The following GMPPA variants were observed in gnomAD, a reference collection of about 807,000 sequenced individuals.
GMPPA encodes mannose-1-phosphate guanylyltransferase regulatory subunit alpha.
In GMPPA, 46 loss-of-function variants were observed where a neutral mutation model predicts 58.6. That is an observed-to-expected ratio of 0.78 (90% CI 0.62 to 1.00). GMPPA has a LOEUF of 1.00. Among genes scored for constraint, GMPPA ranks in the 50% least tolerant of loss-of-function variants. GMPPA has a pLI of 0.00. For missense variants in GMPPA, 468 were observed against 556.4 expected (o/e 0.84, Z 1.60); for synonymous variants, 211 against 214.9 (o/e 0.98, Z 0.16).
At chr2:219,506,170 C>T (rs1461073665) in intron 11 of GMPPA, 84 bp from the exon 12 acceptor site, 22 of 1,487,474 alleles carry the variant, frequency 1.5e-5, no homozygotes, top group Non-Finnish European at 2.0e-5. Flanking sequence ...ACGCCGTGGG[C>T]TCTGCATCTG....
At chr2:219,504,997 C>T in intron 7 of GMPPA, 2 of 879,410 alleles carry the variant, frequency 2.3e-6, no homozygotes, top group Non-Finnish European at 3.3e-6. Context: ...GGATGGGAAG[C>T]AGGCCTCTGC....
chr2:219,505,815 G>C (rs1694567078), intron 10 of GMPPA, 54 bp downstream of exon 10: 1 of 1,416,394 alleles, frequency 7.1e-7, no homozygotes, highest in African/African-American at 1.4e-5. Context: ...GATGGATGGA[G>C]GGTGCCCACG....
rs367900840 is a variant in GMPPA at position 219,504,191 on chromosome 2, C to A, written c.598C>A (p.Arg200Ser). 1.2e-6 allele frequency: 2 copies of A among 1,614,060 alleles called. No homozygotes were observed. The highest frequency in any genetic ancestry group is 2.2e-5 in the East Asian group (1 of 44,870). The change falls in exon 7 of 13, where the codon CGT (arginine) becomes AGT (serine). Residue 200 changes from arginine (R) to serine (S), a missense_variant. Physicochemically the swap from Arg to Ser is moderately radical, Grantham distance 110. Transcript: ENST00000313597. ...GAAGCCTCTTCGGGATGTCTTCCAGCGTAATCAGCAGGATGGGCAATTGTG... is the reference window on the plus strand; with the variant it reads ...GAAGCCTCTTCGGGATGTCTTCCAGAGTAATCAGCAGGATGGGCAATTGTG... ...ALKPLRDVFQ[R>S]NQQDGQLEDS...
chr2:219,504,463 C>T (rs1694505858), intron 7 of GMPPA: 1 of 556,518 alleles, frequency 1.8e-6, no homozygotes, highest in Admixed American at 3.3e-5. Context: ...TTCTCCTAAG[C>T]CCTGAGTGTC....
chr2:219,501,947 C>T lies in GMPPA; in HGVS notation c.339C>T (p.Leu113=). 6.2e-7 allele frequency: 1 copy of T among 1,614,116 alleles called. No homozygotes were observed. The highest frequency in any genetic ancestry group is 1.1e-5 in the South Asian group (1 of 91,072). ...LAGSPEAFFV[L]NADVCSDFPL... ...GGAGCCCCGAGGCATTCTTCGTGCTCAATGCTGATGTCTGCTCCGACTTCC... is the reference window on the plus strand; with the variant it reads ...GGAGCCCCGAGGCATTCTTCGTGCTTAATGCTGATGTCTGCTCCGACTTCC... Residue 113 remains leucine (L), a synonymous_variant, in exon 5 of 13, where the codon CTC becomes CTT. Transcript: ENST00000313597.
intron 12 of GMPPA, 31 bp from the exon 13 acceptor site, chr2:219,506,667 A>T (rs1302874871): frequency 1.6e-6 from 2 of 1,282,652 alleles, no homozygotes. Context: ...CCCTCCCATG[A>T]CCTCCCCTGG....
Position 219,502,739 on chromosome 2 carries a change from A to C in GMPPA, c.489+298A>C, listed in dbSNP as rs1299428543. Among the ~76,000 whole-genome samples the C allele has an allele frequency of 6.6e-6, 1 of 152,066 alleles. No individual in the cohort carries two copies. On this transcript the variant is annotated intron_variant, in intron 6 of 12. Coordinates refer to ENST00000313597, the MANE Select transcript of GMPPA (RefSeq NM_013335.4). The surrounding 1 kb of genome is among the most constrained non-coding windows in gnomAD (Gnocchi z 4.0). ...GGGAGTAGAGAGGGCTTCCTGGAGG[A>C]AGCAAGGTCTGAGCAGAGTCCCATT... is the stretch of plus-strand genomic sequence containing the variant.
Position 219,502,046 on chromosome 2 carries a change from G to A in GMPPA, c.429+9G>A. On this transcript the variant is annotated intron_variant, in intron 5 of 12. Transcript: ENST00000313597. This position sits in a 1 kb window ranked among gnomAD's most constrained non-coding sequence, Gnocchi z 4.0. ...TACTCCTTGGCACTACGGTGAGGGG[G>A]TCAGGAGGGCTGGAGGGTGTAGAGG... The A allele has an allele frequency of 6.2e-7, 1 of 1,613,884 alleles. No individual in the cohort carries two copies. Among genetic ancestry groups the A allele is most frequent in the Non-Finnish European group, 8.5e-7 (1 of 1,179,828 alleles).
In GMPPA at chr2:219,502,485, T is replaced by A. The variant is rs778856739; in HGVS notation, c.489+44T>A. The A allele has an allele frequency of 6.8e-7, 1 of 1,478,538 alleles. No homozygotes were observed. The highest frequency in any genetic ancestry group is 9.5e-7 in the Non-Finnish European group (1 of 1,058,036). 91.6% of individuals were successfully genotyped at this position (1,478,538 alleles called of 1,614,324 possible). On this transcript the variant is annotated intron_variant, in intron 6 of 12. Coordinates refer to ENST00000313597, the MANE Select transcript of GMPPA (RefSeq NM_013335.4). This position sits in a 1 kb window ranked among gnomAD's most constrained non-coding sequence, Gnocchi z 4.0. ...CTGGGTGGGTGCCTACTCTGTGTCATCATCCCCTCTACCTCAGGCCTCTAG... is the reference window on the plus strand; with the variant it reads ...CTGGGTGGGTGCCTACTCTGTGTCAACATCCCCTCTACCTCAGGCCTCTAG...
At chr2:219,504,464 C>T in intron 7 of GMPPA, 1 of 556,246 alleles carries the variant, frequency 1.8e-6, no homozygotes, top group Non-Finnish European at 3.2e-6. Flanking sequence ...TCTCCTAAGC[C>T]CTGAGTGTCC....
chr2:219,505,462 G>A lies in GMPPA; in HGVS notation c.760G>A (p.Ala254Thr). The A allele has an allele frequency of 6.4e-7, 1 of 1,570,328 alleles. No homozygotes were observed. Among genetic ancestry groups the A allele is most frequent in the Non-Finnish European group, 8.6e-7 (1 of 1,156,236 alleles). The change falls in exon 9 of 13, where the codon GCC becomes ACC. Residue 254 changes from alanine to threonine, a missense_variant. Ala to Thr is a moderately conservative substitution (Grantham distance 58, BLOSUM62 0). Transcript: ENST00000313597. Reference protein sequence around the residue: ...IWSQIKSAGSALYASRLYLSR... With the variant: ...IWSQIKSAGSTLYASRLYLSR... ...TGTCCCCCTTGCGGTCCCCAGTTCA[G>A]CCCTCTACGCCTCCCGCCTCTACCT...
Position 219,502,138 on chromosome 2 carries a change from T to A in GMPPA, c.429+101T>A. On this transcript the variant is annotated intron_variant, in intron 5 of 12. Transcript: ENST00000313597. The surrounding 1 kb of genome is among the most constrained non-coding windows in gnomAD (Gnocchi z 4.0). ...GGCAGGGGCGCCCCGGGAGTTGGTG[T>A]GGGAGCTGGCGTCAGGAGGGAGATG... 8.1e-7 allele frequency: 1 copy of A among 1,237,676 alleles called. No individual in the cohort carries two copies. The highest frequency in any genetic ancestry group is 1.2e-6 in the Non-Finnish European group (1 of 862,290). The allele number at this position is 1,237,676 out of a possible 1,614,324, so 76.7% of individuals were successfully genotyped here.
At chr2:219,503,610 A>T (rs940617659) in intron 6 of GMPPA, among the ~76,000 whole-genome samples, 4 of 152,242 alleles carry the variant, frequency 2.6e-5, no homozygotes, top group Admixed American at 6.5e-5. Context: ...AATAGGAGTG[A>T]CAGAATCAAA....
Position 219,502,508 on chromosome 2 carries a change from T to G in GMPPA, c.489+67T>G. 1.5e-5 allele frequency: 19 copies of G among 1,229,802 alleles called. No homozygotes were observed. Among genetic ancestry groups the G allele is most frequent in the Non-Finnish European group, 1.9e-5 (16 of 837,392 alleles). The allele number at this position is 1,229,802 out of a possible 1,614,324, so 76.2% of individuals were successfully genotyped here. A position where few individuals can be genotyped will look rare whatever the true frequency, so the allele number is the denominator to read the frequency against. ...CATCATCCCCTCTACCTCAGGCCTC[T>G]AGAGAATGCTGGCACAGTATGGGGT... is the stretch of plus-strand genomic sequence containing the variant. On this transcript the variant is annotated intron_variant, in intron 6 of 12. Coordinates refer to ENST00000313597, the MANE Select transcript of GMPPA (RefSeq NM_013335.4). The surrounding 1 kb of genome is among the most constrained non-coding windows in gnomAD (Gnocchi z 4.0).
intron 1 of GMPPA, chr2:219,499,646 T>G: frequency 2.6e-6 from 1 of 377,764 alleles, no homozygotes; most frequent in Non-Finnish European, 4.8e-6. Flanking sequence ...GAATCTGGGT[T>G]GGGATTTGAG....
At chr2:219,500,416 C>A in intron 3 of GMPPA, 198 bp downstream of exon 3, 1 of 596,248 alleles carries the variant, frequency 1.7e-6, no homozygotes, top group South Asian at 2.0e-5. Flanking sequence ...TCTCATCTGG[C>A]CTCTTCCTGC....
chr2:219,504,438 C>G (rs1694505273), intron 7 of GMPPA: 12 of 578,654 alleles, frequency 2.1e-5, no homozygotes, highest in South Asian at 1.5e-4. Flanking sequence ...CCTGCCCACT[C>G]CCCTTCTGGT....
chr2:219,501,247 A>G (rs1341603882), intron 3 of GMPPA: 10 of 518,540 alleles, frequency 1.9e-5, no homozygotes, highest in Non-Finnish European at 3.5e-6. Flanking sequence ...TGGGCAACAG[A>G]GCGAGACCCT....
chr2:219,500,413 T>TGGACAATGAGGAATTTGGAGGAAGTCGGA, intron 3 of GMPPA, 195 bp downstream of exon 3: 1 of 598,952 alleles, frequency 1.7e-6, no homozygotes. Flanking sequence ...GTTTCTCATC[T>TGGACAATGAGGAATTTGGAGGAAGTCGGA]GGCCTCTTCC....
Sources: gnomAD v4.1 joint callset for allele counts (sites outside exome capture counted in the v4.1 genomes callset) on GRCh38, gnomAD v4.1.1 for gene constraint, Gnocchi (gnomAD v3.1) non-coding constraint, MANE v1.5 for transcripts, NCBI Gene and HGNC (gene_info 2026-07-23, HGNC 2026-07-21) for gene names.